Variants in STK40 observed in about 807,000 individuals in gnomAD.
STK40 encodes serine/threonine-protein kinase 40.
A neutral mutation model predicts 47.9 loss-of-function variants in STK40; 13 were observed. The ratio of observed to expected loss-of-function variants is 0.27; its 90% CI spans 0.18 to 0.43. The LOEUF (loss-of-function observed/expected upper bound fraction) is 0.43. STK40 is among the 20% of genes least tolerant of loss of function. STK40 has a pLI of 1.00. For synonymous variants in STK40, 225 were observed against 243.2 expected, an observed-to-expected ratio of 0.93 and a Z score of 0.69; for missense variants, 460 against 595.1, an observed-to-expected ratio of 0.77 and a Z score of 2.36.
At chr1:36,360,514 T>C (rs1258552702) in intron 2 of STK40, among the ~76,000 whole-genome samples, 7 of 68,830 alleles carry the variant, frequency 1.0e-4, no homozygotes, top group Non-Finnish European at 1.5e-4. Context: ...GTTTTCATTT[T>C]ATTTTATTTT....
chr1:36,356,623 C>T (rs1473456212), intron 4 of STK40, among the ~76,000 whole-genome samples: 1 of 151,936 alleles, frequency 6.6e-6, no homozygotes, highest in Non-Finnish European at 1.5e-5. Context: ...GATGGGGTTT[C>T]ACCGTGTTAG....
intron 2 of STK40, among the ~76,000 whole-genome samples, chr1:36,360,935 G>A (rs1005325250): frequency 6.6e-6 from 1 of 152,192 alleles, no homozygotes; most frequent in African/African-American, 2.4e-5. Flanking sequence ...GATTCTCTGG[G>A]GGGAGAGTCG....
At chr1:36,354,796 A>G (rs1570444031) in intron 5 of STK40, among the ~76,000 whole-genome samples, 1 of 152,074 alleles carries the variant, frequency 6.6e-6, no homozygotes, top group South Asian at 2.1e-4. Context: ...GGCTCGGCCC[A>G]CAGAAGCGGC....
intron 1 of STK40, among the ~76,000 whole-genome samples, chr1:36,381,488 G>C (rs958845504): frequency 6.6e-6 from 1 of 152,030 alleles, no homozygotes; most frequent in Non-Finnish European, 1.5e-5. Flanking sequence ...TCCAATTCAA[G>C]TTCTTTTTTT....
chr1:36,357,866 C>G (rs888997610), intron 4 of STK40, among the ~76,000 whole-genome samples: 3 of 152,208 alleles, frequency 2.0e-5, no homozygotes, highest in Non-Finnish European at 4.4e-5. Context: ...CTGCCCACCT[C>G]GGCTTCCCAC....
intron 5 of STK40, 94 bp downstream of exon 5, chr1:36,355,112 C>T (rs1171491403): frequency 7.4e-5 from 97 of 1,312,968 alleles, no homozygotes; most frequent in Non-Finnish European, 5.5e-5. Flanking sequence ...CAAAGCACAC[C>T]TGGGTGCACA....
intron 1 of STK40, among the ~76,000 whole-genome samples, chr1:36,383,347 G>A (rs1647057009): frequency 6.6e-6 from 1 of 152,238 alleles, no homozygotes; most frequent in Non-Finnish European, 1.5e-5. Flanking sequence ...CTTCTGAGAG[G>A]GCAGTCTTAT....
chr1:36,356,387 G>A (rs1433584781), intron 4 of STK40, among the ~76,000 whole-genome samples: 2 of 151,242 alleles, frequency 1.3e-5, no homozygotes, highest in African/African-American at 4.9e-5. Flanking sequence ...GGGAACTCCT[G>A]AAGGACTGAA....
intron 1 of STK40, among the ~76,000 whole-genome samples, chr1:36,369,457 T>C (rs1391576600): frequency 6.6e-6 from 1 of 152,156 alleles, no homozygotes; most frequent in Non-Finnish European, 1.5e-5. Context: ...TAAGCAGACC[T>C]AGAATACTTC....
At chr1:36,357,819 G>T (rs184864896) in intron 4 of STK40, among the ~76,000 whole-genome samples, 2 of 152,162 alleles carry the variant, frequency 1.3e-5, no homozygotes, top group South Asian at 4.1e-4. Flanking sequence ...GTTTCACCTT[G>T]TTGGCCAGGA....
At chr1:36,382,100 G>A (rs1647044216) in intron 1 of STK40, among the ~76,000 whole-genome samples, 1 of 152,118 alleles carries the variant, frequency 6.6e-6, no homozygotes, top group Non-Finnish European at 1.5e-5. Context: ...GATGCCTCTT[G>A]ATGCTGCTTA....
At chr1:36,342,977 G>A in intron 10 of STK40, 1 of 586,324 alleles carries the variant, frequency 1.7e-6, no homozygotes, top group East Asian at 2.8e-5. Context: ...AGGGAATGGG[G>A]AGGAAAGAAA....
chr1:36,371,194 C>A (rs1045498038), intron 1 of STK40, among the ~76,000 whole-genome samples: 4 of 145,082 alleles, frequency 2.8e-5, no homozygotes, highest in African/African-American at 5.0e-5. Context: ...TACTTTAAAT[C>A]ATCTCTAGAT....
intron 1 of STK40, among the ~76,000 whole-genome samples, chr1:36,363,650 C>CAA (rs796192523): frequency 4.2e-5 from 5 of 118,948 alleles, no homozygotes; most frequent in African/African-American, 1.5e-4. Flanking sequence ...ACTAAAAATA[C>CAA]AAAAAAAAAA....
chr1:36,358,665 TGGA>T, intron 3 of STK40, 69 bp downstream of exon 3: 1 of 1,507,870 alleles, frequency 6.6e-7, no homozygotes, highest in Non-Finnish European at 9.2e-7. Context: ...GGTGTGAAGG[TGGA>T]GGAGGGAGGA....
At chr1:36,354,315 C>T (rs778517007) in intron 6 of STK40, 49 bp downstream of exon 6, 1 of 1,606,084 alleles carries the variant, frequency 6.2e-7, no homozygotes. Context: ...AATGTGTAGC[C>T]TGCCCCAGCC....
intron 6 of STK40, among the ~76,000 whole-genome samples, chr1:36,353,151 C>T (rs1363061330): frequency 6.6e-6 from 1 of 152,252 alleles, no homozygotes; most frequent in African/African-American, 2.4e-5. Context: ...CCCACCACAA[C>T]ACTTCTGCTG....
chr1:36,371,920 C>A (rs1344750020), intron 1 of STK40, among the ~76,000 whole-genome samples: 1 of 150,148 alleles, frequency 6.7e-6, no homozygotes, highest in Non-Finnish European at 1.5e-5. Flanking sequence ...ATTGCTTGAA[C>A]CTGGAGGTGA....
chr1:36,365,220 C>A (rs1410237097), intron 1 of STK40, among the ~76,000 whole-genome samples: 1 of 152,196 alleles, frequency 6.6e-6, no homozygotes, highest in Non-Finnish European at 1.5e-5. Context: ...GAACTCCCGA[C>A]CTCAGGCGAT....
Sources: gnomAD v4.1 joint callset for allele counts (sites outside exome capture counted in the v4.1 genomes callset) on GRCh38, gnomAD v4.1.1 for gene constraint, MANE v1.5 for transcripts, NCBI Gene and HGNC (gene_info 2026-07-23, HGNC 2026-07-21) for gene names.